Variants in RTF1 observed in about 807,000 individuals in gnomAD.
RTF1 encodes the protein RNA polymerase-associated protein RTF1 homolog.
In RTF1, 10 loss-of-function variants were observed where a neutral mutation model predicts 95.7. The observed-to-expected ratio is 0.10, with a 90% confidence interval of 0.06 to 0.18. The LOEUF is 0.18. Among genes scored for constraint, RTF1 ranks in the 10% least tolerant of loss-of-function variants. RTF1 has a pLI of 1.00. For missense variants in RTF1, 458 were observed against 875.6 expected (o/e 0.52, Z 6.02); for synonymous variants, 305 against 311.8 (o/e 0.98, Z 0.23).
intron 4 of RTF1, among the ~76,000 whole-genome samples, chr15:41,462,026 GT>G (rs1256871000): frequency 6.6e-6 from 1 of 151,398 alleles, no homozygotes; most frequent in Non-Finnish European, 1.5e-5. Flanking sequence ...AAATGCTGGG[GT>G]TACAGGTGTG....
chr15:41,442,303 GACTACAGGCGCTC>G (rs2050739845), intron 2 of RTF1, among the ~76,000 whole-genome samples: 1 of 151,720 alleles, frequency 6.6e-6, no homozygotes, highest in African/African-American at 2.4e-5. Context: ...GAGCAGCTGG[GACTACAGGCGCTC>G]ACCACCACGC....
chr15:41,435,444 G>A (rs1403792379), intron 1 of RTF1, among the ~76,000 whole-genome samples: 1 of 151,642 alleles, frequency 6.6e-6, no homozygotes, highest in Non-Finnish European at 1.5e-5. Context: ...CAAAGTGTTG[G>A]GATTACAGGT....
At chr15:41,462,123 C>T (rs1007831045) in intron 4 of RTF1, among the ~76,000 whole-genome samples, 9 of 152,008 alleles carry the variant, frequency 5.9e-5, no homozygotes, top group African/African-American at 2.2e-4. Context: ...GGTTCAGAGC[C>T]ATCATAGAAA....
chr15:41,454,189 C>T (rs1191542818), intron 3 of RTF1, among the ~76,000 whole-genome samples: 1 of 151,874 alleles, frequency 6.6e-6, no homozygotes, highest in South Asian at 2.1e-4. Context: ...CTCTGTGTCC[C>T]GGGGTTCAAG....
intron 4 of RTF1, among the ~76,000 whole-genome samples, chr15:41,459,764 A>G (rs915571428): frequency 6.6e-6 from 1 of 152,158 alleles, no homozygotes; most frequent in Non-Finnish European, 1.5e-5. Context: ...CAAGTGTTAA[A>G]TTACTTTTTG....
intron 5 of RTF1, among the ~76,000 whole-genome samples, chr15:41,465,577 G>A (rs184501446): frequency 2.2e-4 from 34 of 152,166 alleles, no homozygotes; most frequent in Admixed American, 5.9e-4. Flanking sequence ...AGAAGCGGAG[G>A]TTGCAGTGAG....
chr15:41,480,555 T>G, intron 17 of RTF1, 26 bp from the exon 18 acceptor site: 5 of 1,558,976 alleles, frequency 3.2e-6, no homozygotes, highest in Non-Finnish European at 4.4e-6. Flanking sequence ...GGACCTCAGC[T>G]GCCAACTTGC....
chr15:41,445,786 A>T (rs1412497771), intron 2 of RTF1, among the ~76,000 whole-genome samples: 1 of 144,472 alleles, frequency 6.9e-6, no homozygotes, highest in East Asian at 2.0e-4. Context: ...AGAGGGCTGG[A>T]GTGTGGTGGC....
chr15:41,480,424 T>C (rs1377034940), intron 17 of RTF1, 99 bp downstream of exon 17: 1 of 1,013,586 alleles, frequency 9.9e-7, no homozygotes, highest in African/African-American at 1.6e-5. Flanking sequence ...GAAAGGGGAA[T>C]GCTGGCTCAT....
chr15:41,454,577 ATACTAT>A (rs1340000453), intron 3 of RTF1, among the ~76,000 whole-genome samples: 1 of 152,214 alleles, frequency 6.6e-6, no homozygotes, highest in African/African-American at 2.4e-5. Flanking sequence ...CTGCCTATAC[ATACTAT>A]TACACAAAGA....
At chr15:41,472,130 C>T (rs1010948396) in intron 8 of RTF1, among the ~76,000 whole-genome samples, 1 of 152,004 alleles carries the variant, frequency 6.6e-6, no homozygotes, top group African/African-American at 2.4e-5. Flanking sequence ...AACTCTTGAC[C>T]TTGTGATCCA....
At chr15:41,422,679 G>T (rs2050608370) in intron 1 of RTF1, among the ~76,000 whole-genome samples, 1 of 152,190 alleles carries the variant, frequency 6.6e-6, no homozygotes, top group Non-Finnish European at 1.5e-5. Context: ...TATTTAAAAT[G>T]GAGATTATAT....
intron 2 of RTF1, among the ~76,000 whole-genome samples, chr15:41,451,343 G>A (rs994791998): frequency 2.0e-5 from 3 of 152,142 alleles, no homozygotes; most frequent in Non-Finnish European, 2.9e-5. Flanking sequence ...TTTTAAGTTG[G>A]CAAGTTAAAA....
intron 2 of RTF1, among the ~76,000 whole-genome samples, chr15:41,439,507 CTG>C (rs1413197927): frequency 6.6e-6 from 1 of 152,138 alleles, no homozygotes; most frequent in African/African-American, 2.4e-5. Flanking sequence ...GAAAATCCAA[CTG>C]TTCATTGTCT....
At chr15:41,466,887 T>G (rs2050883063) in intron 6 of RTF1, among the ~76,000 whole-genome samples, 1 of 152,236 alleles carries the variant, frequency 6.6e-6, no homozygotes, top group Non-Finnish European at 1.5e-5. Flanking sequence ...TGAATGTGTT[T>G]CTGGTCCCTT....
At chr15:41,429,430 AG>A (rs1227172939) in intron 1 of RTF1, among the ~76,000 whole-genome samples, 1 of 149,380 alleles carries the variant, frequency 6.7e-6, no homozygotes, top group Non-Finnish European at 1.5e-5. Flanking sequence ...TACCAGTTGT[AG>A]TGCTCTTTTT....
chr15:41,462,877 TC>T (rs1243696719), intron 4 of RTF1, among the ~76,000 whole-genome samples: 2 of 152,158 alleles, frequency 1.3e-5, no homozygotes, highest in African/African-American at 4.8e-5. Context: ...CACCTCAGCC[TC>T]CCAAGTAGCT....
chr15:41,471,433 A>T, intron 8 of RTF1, 84 bp downstream of exon 8: 1 of 1,367,658 alleles, frequency 7.3e-7, no homozygotes, highest in Non-Finnish European at 1.0e-6. Flanking sequence ...GAAAAAATCG[A>T]TCACTCTTCT....
rs1014417657 is a variant in RTF1 at position 41,454,126 on chromosome 15, C to T, written c.457+1078C>T. On this transcript the variant is annotated intron_variant, in intron 3 of 17. Coordinates refer to ENST00000389629, the MANE Select transcript of RTF1 (RefSeq NM_015138.5). ...TTAATTTATTATCGAGACAGAGTTT[C>T]GCTCTTGTTGCCCAGGCTGGAGTGC... 3.9e-5 allele frequency among the ~76,000 whole-genome samples: 6 copies of T among 152,092 alleles called. No individual in the cohort carries two copies. In the East Asian group the frequency reaches 5.8e-4, roughly 15 times the overall value.
Sources: gnomAD v4.1 joint callset for allele counts (sites outside exome capture counted in the v4.1 genomes callset) on GRCh38, gnomAD v4.1.1 for gene constraint, MANE v1.5 for transcripts, NCBI Gene and HGNC (gene_info 2026-07-23, HGNC 2026-07-21) for gene names.